The following ANKFN1 variants were observed in gnomAD, a reference collection of about 807,000 sequenced individuals.
ANKFN1 encodes the protein ankyrin repeat and fibronectin type-III domain-containing protein 1.
A neutral mutation model predicts 108.7 loss-of-function variants in ANKFN1; 74 were observed. That is an observed-to-expected ratio of 0.68 (90% CI 0.56 to 0.83). The LOEUF is 0.83. Among genes scored for constraint, ANKFN1 ranks in the 40% least tolerant of loss-of-function variants. The pLI, the probability that ANKFN1 is intolerant of heterozygous loss-of-function variation, is 0.00. For synonymous variants in ANKFN1, 547 were observed against 516.2 expected (o/e 1.06, Z -0.81); for missense variants, 1,505 against 1,382.3 (o/e 1.09, Z -1.41).
intron 4 of ANKFN1, among the ~76,000 whole-genome samples, chr17:56,062,635 C>T (rs1456242463): frequency 1.4e-5 from 2 of 147,496 alleles, no homozygotes; most frequent in Non-Finnish European, 3.0e-5. Flanking sequence ...AGTGTTTTTG[C>T]ACACATAGAT....
chr17:56,359,868 C>T (rs2046470631), intron 6 of ANKFN1, among the ~76,000 whole-genome samples: 1 of 152,158 alleles, frequency 6.6e-6, no homozygotes, highest in Non-Finnish European at 1.5e-5. Context: ...ACACTTGCTC[C>T]AACAGTGCTG....
chr17:56,124,590 C>T (rs16956676), intron 4 of ANKFN1, among the ~76,000 whole-genome samples: 1,576 of 152,260 alleles, frequency 0.01, 26 homozygotes, highest in African/African-American at 0.035. Context: ...TTGTTCAGGA[C>T]CCCAGTCAAA....
chr17:56,243,418 G>C (rs1917730212), intron 3 of ANKFN1, among the ~76,000 whole-genome samples: 1 of 152,122 alleles, frequency 6.6e-6, no homozygotes, highest in Admixed American at 6.6e-5. Context: ...GTTTGGCTCA[G>C]TTGCTGCCTG....
At chr17:56,076,914 TGATA>T (rs1262935619) in intron 4 of ANKFN1, among the ~76,000 whole-genome samples, 1 of 152,240 alleles carries the variant, frequency 6.6e-6, no homozygotes, top group Non-Finnish European at 1.5e-5. Flanking sequence ...ATCAGTCTTA[TGATA>T]GATTTGATTT....
chr17:56,485,959 A>C (rs1291725595), intron 18 of ANKFN1, among the ~76,000 whole-genome samples: 1 of 152,216 alleles, frequency 6.6e-6, no homozygotes, highest in Non-Finnish European at 1.5e-5. Flanking sequence ...TCCATGGACT[A>C]CAATTTAAGT....
At chr17:56,242,861 A>AT (rs1462723493) in intron 3 of ANKFN1, among the ~76,000 whole-genome samples, 3 of 152,034 alleles carry the variant, frequency 2.0e-5, no homozygotes, top group East Asian at 1.9e-4. Flanking sequence ...GTTTACTAGG[A>AT]TTTTTTTAAA....
At chr17:56,331,441 T>C (rs759109) in intron 4 of ANKFN1, among the ~76,000 whole-genome samples, 75,847 of 152,016 alleles carry the variant, frequency 0.5, 19,318 homozygotes, top group Middle Eastern at 0.57. Flanking sequence ...CCTTTTGTCA[T>C]AGTACAAATA....
chr17:56,463,276 G>A (rs1012150623), intron 14 of ANKFN1, among the ~76,000 whole-genome samples: 8 of 152,060 alleles, frequency 5.3e-5, no homozygotes, highest in African/African-American at 1.9e-4. Flanking sequence ...GCTCATTTGT[G>A]CCCAAGGTTA....
chr17:56,105,735 GTGTGTA>G (rs1414285617), intron 4 of ANKFN1, among the ~76,000 whole-genome samples: 2 of 151,260 alleles, frequency 1.3e-5, no homozygotes, highest in East Asian at 3.9e-4. Context: ...GTGTGTGTGT[GTGTGTA>G]TGAGACAGGG....
In ANKFN1 at chr17:56,120,268, G is replaced by C. The variant is rs112746058; in HGVS notation, c.288+73943G>C. On this transcript the variant is annotated intron_variant, in intron 4 of 12. Transcript: ENST00000635860. ...GGGCTTACACTGCTTTACTTGATCT[G>C]TTTCTACATCTCACTCCATTCTGCC... Among the ~76,000 whole-genome samples, 366 of 152,196 alleles carry C rather than the reference G, an allele frequency of 2.4e-3. 3 individuals carry two copies. The highest frequency in any genetic ancestry group is 3.4e-3 in the Middle Eastern group (1 of 294).
At position 56,504,936 on chromosome 17, in the gene ANKFN1, G is replaced by A. The variant is rs549437058; in HGVS notation, c.2645-5537G>A. Among the ~76,000 whole-genome samples, 28 of 150,308 alleles carry A rather than the reference G, an allele frequency of 1.9e-4. No individual in the cohort carries two copies. In the Middle Eastern group the frequency reaches 0.01, roughly 55 times the overall value. On this transcript the variant is annotated intron_variant, in intron 20 of 20. Coordinates refer to ENST00000682825, the MANE Select transcript of ANKFN1 (RefSeq NM_001370326.1). ...GATCCACCCGCCTCGGCCTCCCAAA[G>A]TGCTGGGATTACAGGTGTGAGCCAC...
intron 3 of ANKFN1, among the ~76,000 whole-genome samples, chr17:56,283,147 T>C (rs1315187151): frequency 2.0e-5 from 3 of 152,156 alleles, no homozygotes; most frequent in Non-Finnish European, 4.4e-5. Flanking sequence ...TAAGCATACA[T>C]GTGTCCATGT....
intron 8 of ANKFN1, among the ~76,000 whole-genome samples, chr17:56,388,970 A>C (rs1439772906): frequency 2.6e-4 from 39 of 152,062 alleles, no homozygotes; most frequent in Non-Finnish European, 4.4e-5. Flanking sequence ...TGGGAATGTA[A>C]AATGATACAG....
chr17:56,329,413 A>C (rs2045604064), intron 4 of ANKFN1, among the ~76,000 whole-genome samples: 1 of 152,110 alleles, frequency 6.6e-6, no homozygotes, highest in Non-Finnish European at 1.5e-5. Flanking sequence ...TTCATCATTC[A>C]AAATCCTTCT....
At chr17:56,408,027 C>T (rs966245090) in intron 8 of ANKFN1, among the ~76,000 whole-genome samples, 5 of 151,070 alleles carry the variant, frequency 3.3e-5, no homozygotes, top group Non-Finnish European at 7.4e-5. Context: ...CTCCGCCTCC[C>T]GGGTTCAAGC....
intron 8 of ANKFN1, among the ~76,000 whole-genome samples, chr17:56,390,278 A>G (rs562217952): frequency 6.6e-6 from 1 of 151,348 alleles, no homozygotes; most frequent in East Asian, 2.0e-4. Context: ...ACTCCAACTT[A>G]TGAGTGAGAA....
chr17:56,275,603 C>T (rs949787454), intron 3 of ANKFN1, among the ~76,000 whole-genome samples: 1 of 152,114 alleles, frequency 6.6e-6, no homozygotes, highest in Non-Finnish European at 1.5e-5. Context: ...GTGTTTAAAA[C>T]GTATAGCAAG....
intron 3 of ANKFN1, among the ~76,000 whole-genome samples, chr17:56,238,073 T>A (rs1917289007): frequency 6.6e-6 from 1 of 152,178 alleles, no homozygotes; most frequent in African/African-American, 2.4e-5. Flanking sequence ...AATTTCCATG[T>A]AATTGCATGA....
intron 1 of ANKFN1, among the ~76,000 whole-genome samples, chr17:56,205,258 A>G (rs1033665729): frequency 1.3e-5 from 2 of 152,202 alleles, no homozygotes; most frequent in Non-Finnish European, 2.9e-5. Flanking sequence ...TTGTTCCCCA[A>G]AGCACTCTTC....
Sources: allele counts gnomAD v4.1 joint callset (sites outside exome capture counted in the v4.1 genomes callset), GRCh38; gene constraint gnomAD v4.1.1; transcripts MANE v1.5; gene names NCBI Gene and HGNC (gene_info 2026-07-23, HGNC 2026-07-21).